Variants in ASH1L observed in about 807,000 individuals in gnomAD.
ASH1L encodes histone-lysine N-methyltransferase ASH1L.
Under a neutral mutation model 269.0 loss-of-function variants are expected in ASH1L, and 23 were observed. The ratio of observed to expected loss-of-function variants is 0.09; its 90% confidence interval spans 0.06 to 0.12. The LOEUF (loss-of-function observed/expected upper bound fraction) is 0.12. ASH1L is among the 10% of genes least tolerant of loss of function. The pLI, the probability that ASH1L is intolerant of heterozygous loss-of-function variation, is 1.00. For missense variants in ASH1L, 2,912 were observed against 3,567.8 expected (o/e 0.82, Z 4.68); for synonymous variants, 1,187 against 1,253.5 (o/e 0.95, Z 1.12).
intron 15 of ASH1L, among the ~76,000 whole-genome samples, chr1:155,355,012 T>C (rs1323658400): frequency 6.6e-6 from 1 of 152,166 alleles, no homozygotes. Context: ...GGATACGCAC[T>C]GGGCAAACTA....
intron 2 of ASH1L, among the ~76,000 whole-genome samples, chr1:155,483,755 G>A (rs552608486): frequency 6.7e-6 from 1 of 150,198 alleles, no homozygotes; most frequent in African/African-American, 2.4e-5. Context: ...ATTATCTACA[G>A]AAAACTGGCT....
At chr1:155,538,069 G>A (rs186479497) in intron 1 of ASH1L, among the ~76,000 whole-genome samples, 1 of 151,756 alleles carries the variant, frequency 6.6e-6, no homozygotes, top group Admixed American at 6.6e-5. Flanking sequence ...CTGTCACCCA[G>A]GCTGGAGTGC....
intron 6 of ASH1L, among the ~76,000 whole-genome samples, chr1:155,412,906 T>A (rs988376208): frequency 1.5e-4 from 22 of 151,344 alleles, no homozygotes; most frequent in Admixed American, 8.5e-4. Flanking sequence ...TTTTTTTTTT[T>A]AATTTTATTG....
At chr1:155,431,694 TGGAG>T (rs1661621312) in intron 5 of ASH1L, among the ~76,000 whole-genome samples, 1 of 151,662 alleles carries the variant, frequency 6.6e-6, no homozygotes, top group South Asian at 2.1e-4. Context: ...GCCCGGGAGG[TGGAG>T]GTTGCAGTGA....
intron 5 of ASH1L, among the ~76,000 whole-genome samples, chr1:155,428,863 C>A (rs1030705624): frequency 1.3e-5 from 2 of 152,124 alleles, no homozygotes; most frequent in Non-Finnish European, 2.9e-5. Context: ...TTAATAAATA[C>A]GCGGGTAAAT....
intron 3 of ASH1L, among the ~76,000 whole-genome samples, chr1:155,470,030 A>T (rs1664978987): frequency 6.6e-6 from 1 of 152,190 alleles, no homozygotes; most frequent in South Asian, 2.1e-4. Context: ...TGCAAAGCTG[A>T]TATCTAGTGT....
chr1:155,403,322 A>T (rs185213743), intron 6 of ASH1L, among the ~76,000 whole-genome samples: 116 of 152,330 alleles, frequency 7.6e-4, no homozygotes, highest in Admixed American at 3.1e-3. Flanking sequence ...CCTGTTTCAA[A>T]AAAAACCAAA....
chr1:155,367,798 T>C (rs1655571694), intron 12 of ASH1L, among the ~76,000 whole-genome samples: 1 of 152,218 alleles, frequency 6.6e-6, no homozygotes, highest in African/African-American at 2.4e-5. Flanking sequence ...CTTTTATTCC[T>C]GGAATAAACC....
At chr1:155,385,066 A>AT (rs58732401) in intron 7 of ASH1L, among the ~76,000 whole-genome samples, 141,617 of 150,984 alleles carry the variant, frequency 0.94, 67,068 homozygotes, top group East Asian at 1. Flanking sequence ...CTCTGAATGT[A>AT]TTTTTTTTTC....
At chr1:155,536,051 G>T (rs1454662192) in intron 1 of ASH1L, among the ~76,000 whole-genome samples, 2 of 151,540 alleles carry the variant, frequency 1.3e-5, no homozygotes, top group Non-Finnish European at 2.9e-5. Flanking sequence ...ATTTAAATTT[G>T]TGCTGGGCTT....
At chr1:155,375,646 C>T (rs908182773) in intron 10 of ASH1L, among the ~76,000 whole-genome samples, 11 of 151,884 alleles carry the variant, frequency 7.2e-5, no homozygotes, top group Non-Finnish European at 1.6e-4. Context: ...AATTATTAGC[C>T]GGGTGCAGTG....
At position 155,453,286 on chromosome 1, in the gene ASH1L, C is replaced by T. The variant is rs551304740; in HGVS notation, c.5086+6511G>A. On this transcript the variant is annotated intron_variant, in intron 4 of 27. Coordinates refer to ENST00000392403, the MANE Select transcript of ASH1L (RefSeq NM_018489.3). ...AGGAGAATCACTTGAACCCGGGAGG[C>T]AAAGGCTGCAGTGAGCCATGATCAT... 1.1e-4 allele frequency among the ~76,000 whole-genome samples: 16 copies of T among 152,208 alleles called. No individual in the cohort carries two copies. The South Asian group carries it at 3.1e-3, about 30-fold the overall frequency.
intron 4 of ASH1L, among the ~76,000 whole-genome samples, chr1:155,451,830 C>A (rs1220475584): frequency 6.6e-6 from 1 of 152,178 alleles, no homozygotes; most frequent in East Asian, 1.9e-4. Context: ...ATACGATTCT[C>A]TTGCCTCAGC....
chr1:155,513,927 A>G (rs1668335496), intron 2 of ASH1L, among the ~76,000 whole-genome samples: 1 of 152,230 alleles, frequency 6.6e-6, no homozygotes, highest in Admixed American at 6.5e-5. Context: ...TAGAATGAAC[A>G]AAATTTGGTA....
intron 1 of ASH1L, among the ~76,000 whole-genome samples, chr1:155,558,719 A>G (rs1226649748): frequency 6.6e-6 from 1 of 152,084 alleles, no homozygotes; most frequent in African/African-American, 2.4e-5. Context: ...TTCTGTAGAA[A>G]TGGGGTCTTC....
rs1004250960 is a variant in ASH1L, at chr1:155,395,606, G to A, written c.6009-53C>T. The A allele has an allele frequency of 4.5e-6, 6 of 1,338,002 alleles. No individual in the cohort carries two copies. In the African/African-American group the frequency reaches 7.3e-5, roughly 16 times the overall value. 82.9% of individuals were successfully genotyped at this position (1,338,002 alleles called of 1,614,324 possible). A position where few individuals can be genotyped will look rare whatever the true frequency, so the allele number is the denominator to read the frequency against. On this transcript the variant is annotated intron_variant, in intron 6 of 27. Transcript: ENST00000392403. ...TCAAGAGGCAAAGAAATTTCCTCCTGTGGTCAAATACAGATAACAGATCAT... is the reference window on the plus strand; with the variant it reads ...TCAAGAGGCAAAGAAATTTCCTCCTATGGTCAAATACAGATAACAGATCAT...
Position 155,481,127 on chromosome 1 carries a change from A to C in ASH1L, c.1743T>G (p.Asn581Lys), listed in dbSNP as rs1284342559. The stretch of plus-strand genomic sequence containing the variant: ...CTGTAGTAGAACTTAAAAGTAATGG[A>C]TTAGGAGCCAACTGTGAAGAAGTTT... ...PPETSSQLAP[N>K]PLLLSSTTEL... The change falls in exon 3 of 28, where the codon AAT becomes AAG. Residue 581 changes from asparagine to lysine, a missense_variant. Physicochemically the swap from Asn to Lys is moderately conservative, Grantham distance 94. This residue lies in a region of ASH1L where 715 missense variants were observed against 721.0 expected (regional missense o/e 0.99). Coordinates refer to ENST00000392403, the MANE Select transcript of ASH1L (RefSeq NM_018489.3). 1 of 1,614,098 alleles carries C rather than the reference A, an allele frequency of 6.2e-7. No homozygotes were observed. Among genetic ancestry groups the C allele is most frequent in the African/African-American group, 1.3e-5 (1 of 75,050 alleles).
chr1:155,362,173 T>C (rs1190889221), intron 12 of ASH1L, among the ~76,000 whole-genome samples: 1 of 152,010 alleles, frequency 6.6e-6, no homozygotes. Flanking sequence ...GTAGCTGGAA[T>C]ATAGGCACGT....
intron 5 of ASH1L, among the ~76,000 whole-genome samples, chr1:155,417,171 G>C (rs1660287242): frequency 6.6e-6 from 1 of 151,124 alleles, no homozygotes. Context: ...CTGATCTCAG[G>C]TGATCTGCCC....
Sources: allele counts gnomAD v4.1 joint callset (sites outside exome capture counted in the v4.1 genomes callset), GRCh38; gene constraint gnomAD v4.1.1; regional missense constraint gnomAD v4.1.1; transcripts MANE v1.5; gene names NCBI Gene and HGNC (gene_info 2026-07-23, HGNC 2026-07-21).